PKHD1: variants seen among roughly 807,000 people sequenced by gnomAD.
PKHD1 encodes the protein PKHD1 ciliary IPT domain containing fibrocystin/polyductin.
A neutral mutation model predicts 412.0 loss-of-function variants in PKHD1; 291 were observed. The observed-to-expected ratio is 0.71, with a 90% CI of 0.64 to 0.78. The LOEUF (loss-of-function observed/expected upper bound fraction) is 0.78. PKHD1 is among the 30% of genes least tolerant of loss of function. The pLI, the probability that PKHD1 is intolerant of heterozygous loss-of-function variation, is 0.00. For missense variants in PKHD1, 4,825 were observed against 4,950.7 expected, an observed-to-expected ratio of 0.97 and a Z score of 0.76; for synonymous variants, 1,777 against 1,821.5, an observed-to-expected ratio of 0.98 and a Z score of 0.62.
chr6:51,667,365 G>C (rs1774005154), intron 60 of PKHD1, among the ~76,000 whole-genome samples: 1 of 151,664 alleles, frequency 6.6e-6, no homozygotes, highest in African/African-American at 2.4e-5. Context: ...GTCTGTTCAT[G>C]TCCTTTGCCC....
intron 34 of PKHD1, among the ~76,000 whole-genome samples, chr6:52,010,989 T>C (rs976047343): frequency 1.3e-5 from 2 of 152,142 alleles, no homozygotes; most frequent in Non-Finnish European, 2.9e-5. Flanking sequence ...AGGCTTGCAA[T>C]TCCCCCTTCC....
chr6:51,757,462 A>C (rs1408016364), intron 55 of PKHD1, among the ~76,000 whole-genome samples: 1 of 151,932 alleles, frequency 6.6e-6, no homozygotes, highest in African/African-American at 2.4e-5. Flanking sequence ...GAATCAGTTC[A>C]CTCTCCCCTA....
chr6:51,913,775 G>C lies in PKHD1; in HGVS notation c.6122-1199C>G, dbSNP rs111755722. Among the ~76,000 whole-genome samples the C allele has an allele frequency of 3.0e-3, 463 of 152,022 alleles. 3 individuals are homozygous for C. Among genetic ancestry groups the C allele is most frequent in the African/African-American group, 0.011 (447 of 41,486 alleles). On this transcript the variant is annotated intron_variant, in intron 37 of 66. Coordinates refer to ENST00000371117, the MANE Select transcript of PKHD1 (RefSeq NM_138694.4). ...AAGCACTTGTACCAATAATGTTCTA[G>C]GTTTAGAAAGGTCTCTGGGTTAATA...
chr6:51,637,428 GA>G (rs1416012771), intron 64 of PKHD1, among the ~76,000 whole-genome samples: 1 of 152,100 alleles, frequency 6.6e-6, no homozygotes, highest in Non-Finnish European at 1.5e-5. Flanking sequence ...ATCATCCTCT[GA>G]AGTATAAATG....
intron 60 of PKHD1, among the ~76,000 whole-genome samples, chr6:51,731,530 A>G (rs1403754299): frequency 6.6e-6 from 1 of 152,188 alleles, no homozygotes; most frequent in Non-Finnish European, 1.5e-5. Flanking sequence ...AAGTCTAGAC[A>G]AGCTTTGTTT....
chr6:51,696,068 TCTTCTAAGAAG>T (rs1778769291), intron 60 of PKHD1, among the ~76,000 whole-genome samples: 1 of 152,198 alleles, frequency 6.6e-6, no homozygotes, highest in South Asian at 2.1e-4. Flanking sequence ...AATAAAAACT[TCTTCTAAGAAG>T]CTAGCACTCA....
intron 7 of PKHD1, among the ~76,000 whole-genome samples, chr6:52,072,996 C>T (rs1475164671): frequency 1.3e-5 from 2 of 152,086 alleles, no homozygotes; most frequent in Admixed American, 1.3e-4. Flanking sequence ...CTAATCATTC[C>T]CAGAAAACAT....
rs1157546180 is a variant in PKHD1 at position 51,619,309 on chromosome 6, C to A, written c.11997G>T (p.Trp3999Cys). Residue 3999 changes from tryptophan to cysteine, a missense_variant, in exon 67 of 67, where the codon TGG (tryptophan) becomes TGT (cysteine). By Grantham distance (215) the Trp-to-Cys change is radical (BLOSUM62 -2). Transcript: ENST00000371117. Reference sequence around the variant, plus strand: ...TGAGCAACTGCTCTTGGCCCTCCTTCCAGTTCCCAGTCTCTTGCAGGTACA... The same window carrying A: ...TGAGCAACTGCTCTTGGCCCTCCTTACAGTTCCCAGTCTCTTGCAGGTACA... ...QQVYLQETGN[W>C]KEGQEQLLRY... 6.2e-7 allele frequency: 1 copy of A among 1,614,258 alleles called. No homozygotes were observed. Among genetic ancestry groups the A allele is most frequent in the Non-Finnish European group, 8.5e-7 (1 of 1,180,042 alleles).
At chr6:51,806,992 C>G (rs183313463) in intron 52 of PKHD1, among the ~76,000 whole-genome samples, 2 of 152,126 alleles carry the variant, frequency 1.3e-5, no homozygotes, top group East Asian at 3.9e-4. Flanking sequence ...CTGAGGATAC[C>G]TAAAATACCC....
chr6:51,754,293 A>C (rs1181581745), intron 56 of PKHD1, among the ~76,000 whole-genome samples: 1 of 152,130 alleles, frequency 6.6e-6, no homozygotes, highest in African/African-American at 2.4e-5. Context: ...CATTTTTTGC[A>C]GTAATAGTAA....
Position 51,906,219 on chromosome 6 carries a change from T to C in PKHD1, c.6804A>G (p.Leu2268=). 1.9e-6 allele frequency: 3 copies of C among 1,611,552 alleles called. No individual in the cohort carries two copies. The highest frequency in any genetic ancestry group is 1.1e-5 in the South Asian group (1 of 91,050). The change falls in exon 41 of 67, where the codon CTA becomes CTG. Residue 2268 remains leucine, a synonymous_variant. Coordinates refer to ENST00000371117, the MANE Select transcript of PKHD1 (RefSeq NM_138694.4). The part of the protein sequence containing the change: ...VFYNILGHAL[L]VGTCTEMRYI... ...CAACAAGCTTGTTTTACTTACCAAC[T>C]AGCAGCGCATGACCTAAAATATTGT... is the stretch of plus-strand genomic sequence containing the variant.
At chr6:52,009,796 G>A (rs924985017) in intron 35 of PKHD1, among the ~76,000 whole-genome samples, 11 of 152,062 alleles carry the variant, frequency 7.2e-5, no homozygotes, top group African/African-American at 2.7e-4. Flanking sequence ...AGAGAGGCTA[G>A]ACCGAATGAC....
intron 41 of PKHD1, 126 bp from the exon 42 acceptor site, chr6:51,904,168 C>A (rs1446012064): frequency 1.4e-6 from 1 of 702,924 alleles, no homozygotes; most frequent in South Asian, 1.5e-5. Flanking sequence ...ATCTGTAAAT[C>A]AGGGAAAGAG....
chr6:51,808,096 C>T (rs911823911), intron 52 of PKHD1, among the ~76,000 whole-genome samples: 1 of 151,930 alleles, frequency 6.6e-6, no homozygotes, highest in Non-Finnish European at 1.5e-5. Context: ...AATTAAAGTA[C>T]TTTTTGTACT....
intron 60 of PKHD1, among the ~76,000 whole-genome samples, chr6:51,660,657 A>C (rs944745057): frequency 6.6e-6 from 1 of 152,130 alleles, no homozygotes; most frequent in African/African-American, 2.4e-5. Flanking sequence ...ATGTTTTTTC[A>C]TTTATTATAA....
At chr6:51,953,593 T>TA (rs5876246) in intron 36 of PKHD1, among the ~76,000 whole-genome samples, 10,805 of 143,380 alleles carry the variant, frequency 0.075, 498 homozygotes, top group Middle Eastern at 0.11. Context: ...TCCCTGGGAT[T>TA]AAAAAAAAAA....
At chr6:51,851,571 T>C (rs1322891679) in intron 49 of PKHD1, among the ~76,000 whole-genome samples, 1 of 152,226 alleles carries the variant, frequency 6.6e-6, no homozygotes, top group South Asian at 2.1e-4. Flanking sequence ...TATTAATTAC[T>C]GCCTCAATTT....
At chr6:51,678,627 T>C (rs1032825013) in intron 60 of PKHD1, among the ~76,000 whole-genome samples, 1 of 152,140 alleles carries the variant, frequency 6.6e-6, no homozygotes, top group Non-Finnish European at 1.5e-5. Context: ...TATACATCTG[T>C]GTGTGCCTGT....
At chr6:51,902,109 G>A (rs1273980082) in intron 43 of PKHD1, among the ~76,000 whole-genome samples, 1 of 152,140 alleles carries the variant, frequency 6.6e-6, no homozygotes, top group African/African-American at 2.4e-5. Flanking sequence ...ACAGCAGGGT[G>A]AGCTGGGCAA....
Sources: allele counts gnomAD v4.1 joint callset (sites outside exome capture counted in the v4.1 genomes callset), GRCh38; gene constraint gnomAD v4.1.1; transcripts MANE v1.5; gene names NCBI Gene and HGNC (gene_info 2026-07-23, HGNC 2026-07-21).